The following NECAB1 variants were observed in gnomAD, a reference collection of about 807,000 sequenced individuals.
The protein encoded by NECAB1 is N-terminal EF-hand calcium-binding protein 1.
NECAB1 carries 29 observed loss-of-function variants against 57.5 expected under a neutral mutation model. That is an observed-to-expected ratio of 0.50 (90% CI 0.38 to 0.69). The LOEUF is 0.69. Ranked by LOEUF, NECAB1 falls within the 30% of genes least tolerant of loss-of-function variation. The pLI is 0.00. For synonymous variants in NECAB1, 142 were observed against 147.7 expected, an observed-to-expected ratio of 0.96 and a Z score of 0.28; for missense variants, 372 against 413.8, an observed-to-expected ratio of 0.90 and a Z score of 0.88.
intron 3 of NECAB1, among the ~76,000 whole-genome samples, chr8:90,863,444 A>G (rs1586067672): frequency 6.6e-6 from 1 of 152,038 alleles, no homozygotes; most frequent in Admixed American, 6.6e-5. Context: ...GTTCTTTTCA[A>G]TTTTTCAAAA....
intron 10 of NECAB1, among the ~76,000 whole-genome samples, chr8:90,948,880 T>G (rs1407693055): frequency 2.0e-5 from 3 of 152,216 alleles, no homozygotes; most frequent in Non-Finnish European, 2.9e-5. Flanking sequence ...TCACTCTCCC[T>G]GCTTTAAATC....
At chr8:90,918,002 G>GTGTGTATAGATACATATATGTGTGTGTA in intron 6 of NECAB1, among the ~76,000 whole-genome samples, 2 of 134,512 alleles carry the variant, frequency 1.5e-5, no homozygotes, top group African/African-American at 2.8e-5. Context: ...ATGTGTGTGT[G>GTGTGTATAGATACATATATGTGTGTGTA]TATATATATA....
intron 5 of NECAB1, among the ~76,000 whole-genome samples, chr8:90,883,879 A>G (rs1808906412): frequency 6.6e-6 from 1 of 152,206 alleles, no homozygotes. Flanking sequence ...TAGAGGTGAT[A>G]AGCTAACTTG....
rs891703978 is a variant in NECAB1, at chr8:90,804,457, G to A, written c.124+2742G>A. On this transcript the variant is annotated intron_variant, in intron 2 of 12. Coordinates refer to ENST00000417640, the MANE Select transcript of NECAB1 (RefSeq NM_022351.5). ...TTTTAGATCAATTGCACAGCATAGT[G>A]AATATAGCTAATCATTGAGTTCTGT... is the stretch of plus-strand genomic sequence containing the variant. Among the ~76,000 whole-genome samples the A allele has an allele frequency of 3.3e-5, 5 of 152,048 alleles. No homozygotes were observed. In the East Asian group the frequency reaches 9.7e-4, roughly 29 times the overall value.
At chr8:90,941,260 G>A (rs958846426) in intron 10 of NECAB1, among the ~76,000 whole-genome samples, 3 of 152,194 alleles carry the variant, frequency 2.0e-5, no homozygotes, top group South Asian at 2.1e-4. Context: ...TAGATGAGGC[G>A]CCAACTCTAG....
At chr8:90,829,467 C>G (rs1015248747) in intron 3 of NECAB1, among the ~76,000 whole-genome samples, 2 of 152,026 alleles carry the variant, frequency 1.3e-5, no homozygotes, top group African/African-American at 2.4e-5. Context: ...TCCCAGCACA[C>G]TGCACTTTGG....
intron 5 of NECAB1, among the ~76,000 whole-genome samples, chr8:90,884,208 G>T (rs1209243056): frequency 6.6e-6 from 1 of 152,110 alleles, no homozygotes; most frequent in Non-Finnish European, 1.5e-5. Flanking sequence ...GAAAGAAATA[G>T]ACTTGAATCC....
chr8:90,872,289 G>A lies in NECAB1; in HGVS notation c.259+136G>A, dbSNP rs140389729. 3.5e-5 allele frequency: 24 copies of A among 686,522 alleles called. No individual in the cohort carries two copies. The Middle Eastern group carries it at 7.5e-4, about 22-fold the overall frequency. 42.5% of individuals were successfully genotyped at this position (686,522 alleles called of 1,614,324 possible). A position where few individuals can be genotyped will look rare whatever the true frequency, so the allele number is the denominator to read the frequency against. ...AAGGAAAAATTAATCGAGATCTCAAGGGATTTATCTTTACCCGTGAATTTT... is the reference window on the plus strand; with the variant it reads ...AAGGAAAAATTAATCGAGATCTCAAAGGATTTATCTTTACCCGTGAATTTT... On this transcript the variant is annotated intron_variant, in intron 4 of 12. Transcript: ENST00000417640.
chr8:90,899,659 G>A (rs1438720518), intron 5 of NECAB1, among the ~76,000 whole-genome samples: 2 of 152,266 alleles, frequency 1.3e-5, no homozygotes, highest in East Asian at 1.9e-4. Flanking sequence ...TTTAAAATAT[G>A]TTGATGCTCA....
intron 1 of NECAB1, 124 bp from the exon 2 acceptor site, chr8:90,801,567 G>A (rs938142631): frequency 1.2e-5 from 8 of 683,278 alleles, no homozygotes; most frequent in Non-Finnish European, 2.0e-5. Flanking sequence ...GATCTCAATT[G>A]GGAAACGCTT....
intron 5 of NECAB1, among the ~76,000 whole-genome samples, chr8:90,903,542 A>T (rs1809561110): frequency 6.6e-6 from 1 of 152,194 alleles, no homozygotes; most frequent in African/African-American, 2.4e-5. Flanking sequence ...TGAACAAAAA[A>T]GTCAAAACTT....
At position 90,948,739 on chromosome 8, in the gene NECAB1, T is replaced by A. The variant is rs116359366; in HGVS notation, c.861-1068T>A. On this transcript the variant is annotated intron_variant, in intron 10 of 12. Coordinates refer to ENST00000417640, the MANE Select transcript of NECAB1 (RefSeq NM_022351.5). ...TCTGTCTCTATTGTTTCAAAATTAATTTGGGTCTTCATCATTTCTCACCTA... is the reference window on the plus strand; with the variant it reads ...TCTGTCTCTATTGTTTCAAAATTAAATTGGGTCTTCATCATTTCTCACCTA... Among the ~76,000 whole-genome samples, 259 of 152,332 alleles carry A rather than the reference T, an allele frequency of 1.7e-3. 1 individual carries two copies. Among genetic ancestry groups the A allele is most frequent in the African/African-American group, 6.1e-3 (252 of 41,594 alleles).
chr8:90,920,895 G>A (rs1178165689), intron 6 of NECAB1, among the ~76,000 whole-genome samples: 2 of 152,200 alleles, frequency 1.3e-5, no homozygotes, highest in African/African-American at 4.8e-5. Flanking sequence ...TAGGTGAAAG[G>A]AGTGCTACAC....
intron 3 of NECAB1, 52 bp from the exon 4 acceptor site, chr8:90,872,076 T>G (rs192174102): frequency 5.6e-6 from 8 of 1,434,094 alleles, no homozygotes; most frequent in Non-Finnish European, 7.6e-6. Context: ...AAAACGTAGT[T>G]AAAAATATTA....
intron 5 of NECAB1, among the ~76,000 whole-genome samples, chr8:90,915,999 T>C (rs541576312): frequency 6.6e-6 from 1 of 152,302 alleles, no homozygotes; most frequent in Non-Finnish European, 1.5e-5. Flanking sequence ...AGATTGAGGG[T>C]GGGTCTGCCC....
At position 90,791,880 on chromosome 8, in the gene NECAB1, C is replaced by A. The variant is rs1048405726; in HGVS notation, c.-7C>A. On this transcript the variant is annotated 5_prime_UTR_variant, in exon 1 of 13. Coordinates refer to ENST00000417640, the MANE Select transcript of NECAB1 (RefSeq NM_022351.5). ...CGCTCCGCCTGAGGCCGTCAGGGCT[C>A]CCGAGGATGGAAGATTCCCAGGAGA... The A allele has an allele frequency of 6.5e-7, 1 of 1,549,624 alleles. No homozygotes were observed. The highest frequency in any genetic ancestry group is 1.4e-5 in the African/African-American group (1 of 73,042).
rs968105997 is a variant in NECAB1 at position 90,947,315 on chromosome 8, C to T, written c.861-2492C>T. 2.6e-4 allele frequency among the ~76,000 whole-genome samples: 37 copies of T among 144,158 alleles called. 1 individual carries two copies. The highest frequency in any genetic ancestry group is 6.2e-4 in the African/African-American group (24 of 38,840). 94.6% of individuals were successfully genotyped at this position (144,158 alleles called of 152,430 possible). Reference sequence around the variant, plus strand: ...GGCTAACAACACATACACACACACACACACACACACACACACACACACACA... The same window carrying T: ...GGCTAACAACACATACACACACACATACACACACACACACACACACACACA... On this transcript the variant is annotated intron_variant, in intron 10 of 12. Coordinates refer to ENST00000417640, the MANE Select transcript of NECAB1 (RefSeq NM_022351.5).
At chr8:90,917,411 G>A in intron 5 of NECAB1, 81 bp from the exon 6 acceptor site, 1 of 1,281,966 alleles carries the variant, frequency 7.8e-7, no homozygotes, top group Non-Finnish European at 1.0e-6. Flanking sequence ...GGATTGATGG[G>A]TACATGGTAA....
chr8:90,924,954 ATATAAGAT>A (rs2130162888), intron 6 of NECAB1, among the ~76,000 whole-genome samples: 2 of 151,694 alleles, frequency 1.3e-5, no homozygotes, highest in East Asian at 3.9e-4. Flanking sequence ...TGTATATAGT[ATATAAGAT>A]ATACTGTATA....
Sources: allele counts gnomAD v4.1 joint callset (sites outside exome capture counted in the v4.1 genomes callset), GRCh38; gene constraint gnomAD v4.1.1; transcripts MANE v1.5; gene names NCBI Gene and HGNC (gene_info 2026-07-23, HGNC 2026-07-21).